Variants in CAPRIN1 observed in about 807,000 individuals in gnomAD.
CAPRIN1 encodes the protein caprin-1.
A neutral mutation model predicts 100.9 loss-of-function variants in CAPRIN1; 29 were observed. That is an observed-to-expected ratio of 0.29 (90% CI 0.21 to 0.39). CAPRIN1 has a LOEUF of 0.39. CAPRIN1 is among the 10% of genes least tolerant of loss of function. The pLI, the probability that CAPRIN1 is intolerant of heterozygous loss-of-function variation, is 1.00. For synonymous variants in CAPRIN1, 338 were observed against 307.5 expected (o/e 1.10, Z -1.04); for missense variants, 795 against 876.7 (o/e 0.91, Z 1.18).
intron 1 of CAPRIN1, 48 bp from the exon 2 acceptor site, chr11:34,052,373 C>G (rs1341697862): frequency 3.3e-6 from 5 of 1,496,698 alleles, no homozygotes; most frequent in Admixed American, 1.8e-5. Context: ...TGACTGGCCG[C>G]TCTTGTCCTT....
intron 2 of CAPRIN1, chr11:34,063,063 A>T (rs541913781): frequency 6.6e-6 from 1 of 152,328 alleles, no homozygotes; most frequent in Non-Finnish European, 1.5e-5. Flanking sequence ...AGCAAAGCCC[A>T]GGAGGACATC....
chr11:34,075,203 C>G (rs1850882511), intron 4 of CAPRIN1, among the ~76,000 whole-genome samples: 1 of 152,152 alleles, frequency 6.6e-6, no homozygotes, highest in Non-Finnish European at 1.5e-5. Context: ...CTTGTTCTTG[C>G]AGCCTTCATC....
Position 34,086,208 on chromosome 11 carries a change from A to G in CAPRIN1, c.1111A>G (p.Asn371Asp). 6.2e-7 allele frequency: 1 copy of G among 1,613,986 alleles called. No individual in the cohort carries two copies. Among genetic ancestry groups the G allele is most frequent in the Non-Finnish European group, 8.5e-7 (1 of 1,179,888 alleles). ...TATGGCACAAATGCAGGGTCCCTAT[A>G]ATTTCATACAGGTATGTTCATTTTA... Reference protein sequence around the residue: ...DLMAQMQGPYNFIQDSMLDFE... With the variant: ...DLMAQMQGPYDFIQDSMLDFE... Residue 371 changes from asparagine to aspartate, a missense_variant, in exon 10 of 19, where the codon AAT becomes GAT. By Grantham distance (23) the Asn-to-Asp change is conservative. Around this residue, in one of 3 missense-constraint regions of CAPRIN1, gnomAD observed 648 missense variants for 697.9 expected, o/e 0.93. Transcript: ENST00000341394.
Position 34,089,459 on chromosome 11 carries a change from A to G in CAPRIN1, c.1293+3A>G. 1 of 1,579,730 alleles carries G rather than the reference A, an allele frequency of 6.3e-7. No homozygotes were observed. The highest frequency in any genetic ancestry group is 1.7e-4 in the Middle Eastern group (1 of 5,972). The stretch of plus-strand genomic sequence containing the variant: ...CTGTACAACCAGAAGCGACACAGGT[A>G]AGAGTGATAAAACTATTTTCTTCAG... On this transcript the variant is annotated splice_donor_region_variant and intron_variant, in intron 12 of 18. Transcript: ENST00000341394.
chr11:34,072,623 G>A (rs1237804752), intron 4 of CAPRIN1, among the ~76,000 whole-genome samples: 2 of 152,132 alleles, frequency 1.3e-5, no homozygotes, highest in African/African-American at 2.4e-5. Context: ...ATCAGCACTC[G>A]ATCCAACTTA....
intron 4 of CAPRIN1, among the ~76,000 whole-genome samples, chr11:34,073,522 C>T (rs1365742675): frequency 6.6e-6 from 1 of 152,158 alleles, no homozygotes; most frequent in East Asian, 1.9e-4. Flanking sequence ...GTGCCGCTGT[C>T]TCAGCTCACT....
At chr11:34,053,040 G>T in intron 2 of CAPRIN1, 1 of 1,041,276 alleles carries the variant, frequency 9.6e-7, no homozygotes, top group African/African-American at 1.7e-5. Context: ...TGCGCGGGGG[G>T]CTCCGGGTTC....
At position 34,090,732 on chromosome 11, in the gene CAPRIN1, ATTTTC is replaced by A. The variant is rs887721427; in HGVS notation, c.1554+64_1554+68del. On this transcript the variant is annotated intron_variant, in intron 14 of 18. Coordinates refer to ENST00000341394, the MANE Select transcript of CAPRIN1 (RefSeq NM_005898.5). ...TAGTATGTAATATGAATCATGGTAGATTTTCTTTTCTTTTTTAAAGGTCTTCATTT... is the reference window on the plus strand; with the variant it reads ...TAGTATGTAATATGAATCATGGTAGATTTTCTTTTTTAAAGGTCTTCATTT... 1.1e-4 allele frequency: 169 copies of A among 1,536,030 alleles called. 1 individual carries two copies. The highest frequency in any genetic ancestry group is 6.4e-4 in the Admixed American group (37 of 57,712).
At chr11:34,052,267 C>T (rs1232909996) in intron 1 of CAPRIN1, 154 bp from the exon 2 acceptor site, 2 of 616,930 alleles carry the variant, frequency 3.2e-6, no homozygotes, top group Non-Finnish European at 2.7e-6. Context: ...GCGCACTCTT[C>T]CTGCCCTCGA....
intron 4 of CAPRIN1, among the ~76,000 whole-genome samples, chr11:34,073,981 A>C (rs900974762): frequency 6.6e-6 from 1 of 152,138 alleles, no homozygotes; most frequent in Admixed American, 6.6e-5. Context: ...TAGAAGGCTT[A>C]AGGGCAAGAG....
At chr11:34,054,522 G>A (rs980455551) in intron 2 of CAPRIN1, among the ~76,000 whole-genome samples, 1 of 152,014 alleles carries the variant, frequency 6.6e-6, no homozygotes, top group Admixed American at 6.6e-5. Context: ...CCACCTCCCG[G>A]GTTCAAGCGA....
intron 2 of CAPRIN1, among the ~76,000 whole-genome samples, chr11:34,066,232 T>C (rs1850689841): frequency 6.6e-6 from 1 of 152,230 alleles, no homozygotes; most frequent in South Asian, 2.1e-4. Flanking sequence ...TTTCCTCACC[T>C]TGGCCTGTCA....
chr11:34,097,650 G>A (rs1299306163), intron 17 of CAPRIN1, 48 bp from the exon 18 acceptor site: 5 of 1,609,958 alleles, frequency 3.1e-6, no homozygotes, highest in South Asian at 1.1e-5. Flanking sequence ...AGATGGGTAA[G>A]CATTTTTTAA....
Position 34,078,088 on chromosome 11 carries a change from G to A in CAPRIN1, c.688+1446G>A, listed in dbSNP as rs148522576. On this transcript the variant is annotated intron_variant, in intron 6 of 18. Transcript: ENST00000341394. ...CTTAGGAATGTAACATCTTTACAAT[G>A]GAAAGGTACTAATCTTTATAATGGG... Among the ~76,000 whole-genome samples, 984 of 152,178 alleles carry A rather than the reference G, an allele frequency of 6.5e-3. 13 individuals carry two copies. Among genetic ancestry groups the A allele is most frequent in the African/African-American group, 0.022 (920 of 41,522 alleles).
In CAPRIN1 at chr11:34,084,054, G is replaced by C. The variant is rs1423210242; in HGVS notation, c.966+1013G>C. 1.2e-4 allele frequency among the ~76,000 whole-genome samples: 18 copies of C among 152,194 alleles called. No homozygotes were observed. In the East Asian group the frequency reaches 3.1e-3, roughly 26 times the overall value. On this transcript the variant is annotated intron_variant, in intron 9 of 18. Transcript: ENST00000341394. ...ACTGCATTCCAACCTGGTTGACAGA[G>C]ACTCTGTCTCAAGAAGAAAAAAACC... is the stretch of plus-strand genomic sequence containing the variant.
At chr11:34,086,804 C>A (rs1272983629) in intron 11 of CAPRIN1, among the ~76,000 whole-genome samples, 2 of 152,178 alleles carry the variant, frequency 1.3e-5, no homozygotes, top group Non-Finnish European at 2.9e-5. Context: ...CTGTAATAGA[C>A]CAGTTTTGTC....
Position 34,085,994 on chromosome 11 carries a change from C to A in CAPRIN1, c.967-70C>A, listed in dbSNP as rs1851134195. 5 of 1,279,570 alleles carry A rather than the reference C, an allele frequency of 3.9e-6. No homozygotes were observed. In the East Asian group the frequency reaches 1.2e-4, roughly 30 times the overall value. 79.3% of individuals were successfully genotyped at this position (1,279,570 alleles called of 1,614,324 possible). The stretch of plus-strand genomic sequence containing the variant: ...AGATGGTTTATGTAGTGTGGGGGAC[C>A]CATCATGGTGGTAGTGAGTGGAGCT... On this transcript the variant is annotated intron_variant, in intron 9 of 18. Transcript: ENST00000341394.
chr11:34,097,162 A>C (rs770421591), intron 16 of CAPRIN1, 34 bp from the exon 17 acceptor site: 1 of 1,458,196 alleles, frequency 6.9e-7, no homozygotes, highest in Non-Finnish European at 9.6e-7. Context: ...TGTGAAGATA[A>C]GAAAATTATT....
intron 2 of CAPRIN1, among the ~76,000 whole-genome samples, chr11:34,068,318 A>C (rs999271860): frequency 2.0e-5 from 3 of 152,350 alleles, no homozygotes; most frequent in Middle Eastern, 6.8e-3. Context: ...CAGCCTTGGA[A>C]ATCATACAGC....
Sources: gnomAD v4.1 joint callset for allele counts (sites outside exome capture counted in the v4.1 genomes callset) on GRCh38, gnomAD v4.1.1 for gene constraint, gnomAD v4.1.1 regional missense constraint, MANE v1.5 for transcripts, NCBI Gene and HGNC (gene_info 2026-07-23, HGNC 2026-07-21) for gene names.